The following FHOD3 variants were observed in gnomAD, a reference collection of about 807,000 sequenced individuals.
FHOD3 encodes the protein FH1/FH2 domain-containing protein 3.
In FHOD3, 90 loss-of-function variants were observed where a neutral mutation model predicts 173.0. The observed-to-expected ratio is 0.52, with a 90% CI of 0.44 to 0.62. The LOEUF (loss-of-function observed/expected upper bound fraction) is 0.62, where lower values mean the gene tolerates loss of function less well. Among genes scored for constraint, FHOD3 ranks in the 20% least tolerant of loss-of-function variants. The probability of loss-of-function intolerance (pLI) is 0.00; values close to 1 mark genes in which losing one functional copy is unlikely to be tolerated. For synonymous variants in FHOD3, 828 were observed against 823.0 expected (o/e 1.01, Z -0.10); for missense variants, 1,945 against 2,034.7 (o/e 0.96, Z 0.85).
Position 36,709,756 on chromosome 18 carries a change from A to C in FHOD3, c.2533+365A>C, listed in dbSNP as rs1361005202. 4 of 192,318 alleles carry C rather than the reference A, an allele frequency of 2.1e-5. No individual in the cohort carries two copies. The East Asian group carries it at 3.8e-4, about 18-fold the overall frequency. 11.9% of individuals were successfully genotyped at this position (192,318 alleles called of 1,614,324 possible). ...AATAATAGTAAGGTTGATAATAGTA[A>C]GGCTTTTTCCGTTTTTGATATAAGT... On this transcript the variant is annotated intron_variant, in intron 18 of 28. Coordinates refer to ENST00000590592, the MANE Select transcript of FHOD3 (RefSeq NM_001281740.3).
chr18:36,479,597 GTATATATA>G (rs3056806), intron 3 of FHOD3, among the ~76,000 whole-genome samples: 1 of 150,594 alleles, frequency 6.6e-6, no homozygotes, highest in African/African-American at 2.4e-5. Flanking sequence ...GTACTATAAA[GTATATATA>G]TATATATATT....
intron 3 of FHOD3, among the ~76,000 whole-genome samples, chr18:36,398,345 T>A (rs2048648529): frequency 6.6e-6 from 1 of 152,216 alleles, no homozygotes; most frequent in African/African-American, 2.4e-5. Context: ...GAGAGATGTT[T>A]CTCCTTCCTG....
At chr18:36,413,131 G>A (rs1268003749) in intron 3 of FHOD3, among the ~76,000 whole-genome samples, 1 of 152,242 alleles carries the variant, frequency 6.6e-6, no homozygotes, top group East Asian at 1.9e-4. Context: ...TGTCAGAAAG[G>A]TGGACTGTTC....
At chr18:36,474,038 T>C (rs1014414480) in intron 3 of FHOD3, among the ~76,000 whole-genome samples, 3 of 152,242 alleles carry the variant, frequency 2.0e-5, no homozygotes. Flanking sequence ...CTCTAAGTAG[T>C]TGATTCTTTT....
At chr18:36,553,259 G>T (rs931071187) in intron 5 of FHOD3, among the ~76,000 whole-genome samples, 1 of 152,204 alleles carries the variant, frequency 6.6e-6, no homozygotes. Context: ...ATGTTCATCA[G>T]GGATATTGGT....
At chr18:36,645,181 G>GCCCA (rs1318242254) in intron 10 of FHOD3, among the ~76,000 whole-genome samples, 10 of 87,776 alleles carry the variant, frequency 1.1e-4, no homozygotes, top group Admixed American at 3.8e-4. Context: ...GTGGCTTTGG[G>GCCCA]AGGCTGAGGT....
chr18:36,678,524 C>CAAAAAAAAAAAAAAA (rs58064190), intron 14 of FHOD3, among the ~76,000 whole-genome samples: 9 of 71,152 alleles, frequency 1.3e-4, no homozygotes, highest in Middle Eastern at 8.6e-3. Flanking sequence ...GACCCTGTCT[C>CAAAAAAAAAAAAAAA]AAAAAAAAAA....
intron 27 of FHOD3, among the ~76,000 whole-genome samples, chr18:36,761,619 T>C (rs1236272622): frequency 6.6e-6 from 1 of 152,184 alleles, no homozygotes; most frequent in Non-Finnish European, 1.5e-5. Context: ...CAGTTCAGGA[T>C]GCCCGCTCCT....
chr18:36,349,925 C>G (rs1455995933), intron 1 of FHOD3, among the ~76,000 whole-genome samples: 1 of 152,128 alleles, frequency 6.6e-6, no homozygotes, highest in Non-Finnish European at 1.5e-5. Context: ...CACCACCACA[C>G]CCGGCTAATT....
intron 4 of FHOD3, among the ~76,000 whole-genome samples, chr18:36,509,903 C>T (rs775906974): frequency 2.6e-5 from 4 of 152,174 alleles, no homozygotes; most frequent in African/African-American, 4.8e-5. Flanking sequence ...CTGCTTGTTA[C>T]TAGAAGTTTA....
chr18:36,775,710 G>T (rs2043600220), intron 28 of FHOD3, among the ~76,000 whole-genome samples: 1 of 152,172 alleles, frequency 6.6e-6, no homozygotes, highest in South Asian at 2.1e-4. Flanking sequence ...AAGAACTTGG[G>T]TGTTTTTCCT....
intron 3 of FHOD3, among the ~76,000 whole-genome samples, chr18:36,457,388 G>C (rs1265932548): frequency 6.6e-6 from 1 of 152,150 alleles, no homozygotes; most frequent in Non-Finnish European, 1.5e-5. Flanking sequence ...ATCAGCATTG[G>C]TGGATTGTTC....
intron 3 of FHOD3, among the ~76,000 whole-genome samples, chr18:36,429,250 GTGTC>G (rs1010368943): frequency 2.0e-5 from 3 of 152,218 alleles, no homozygotes; most frequent in Non-Finnish European, 2.9e-5. Context: ...TGTGTCTGCT[GTGTC>G]TGTCTGAGGG....
intron 17 of FHOD3, among the ~76,000 whole-genome samples, chr18:36,706,755 C>T (rs1027270824): frequency 3.9e-5 from 6 of 152,310 alleles, no homozygotes; most frequent in Non-Finnish European, 8.8e-5. Context: ...GTAATGAAGC[C>T]GCCAGGAGGG....
chr18:36,760,571 G>T (rs376990153), intron 26 of FHOD3, 37 bp from the exon 27 acceptor site: 9 of 1,488,840 alleles, frequency 6.0e-6, no homozygotes, highest in Middle Eastern at 3.6e-4. Flanking sequence ...TTTTTGGGGA[G>T]TCTCCCTCAC....
chr18:36,297,914 C>A lies in FHOD3; in HGVS notation c.79C>A (p.Arg27=). The change falls in exon 1 of 29, where the codon CGG becomes AGG. Residue 27 remains arginine, a synonymous_variant. Coordinates refer to ENST00000590592, the MANE Select transcript of FHOD3 (RefSeq NM_001281740.3). ...CAGCACCAACTTCCCCGAGCCCAGC[C>A]GGCCGCCGCTGTTCACGTTCCGCGA... The part of the protein sequence containing the change: ...FNSTNFPEPS[R]PPLFTFREDL... 1.3e-6 allele frequency: 2 copies of A among 1,559,630 alleles called. No individual in the cohort carries two copies. The highest frequency in any genetic ancestry group is 1.7e-6 in the Non-Finnish European group (2 of 1,153,466).
chr18:36,769,568 A>G, intron 28 of FHOD3, 142 bp downstream of exon 28: 1 of 1,173,334 alleles, frequency 8.5e-7, no homozygotes, highest in South Asian at 1.6e-5. Flanking sequence ...ATCCACAGAA[A>G]GTTTCAGGGT....
intron 3 of FHOD3, among the ~76,000 whole-genome samples, chr18:36,464,269 AG>A (rs2052769541): frequency 6.6e-6 from 1 of 152,256 alleles, no homozygotes. Flanking sequence ...GGATTAGCAA[AG>A]GACAAGTCAG....
At chr18:36,444,576 A>G (rs2051353456) in intron 3 of FHOD3, among the ~76,000 whole-genome samples, 1 of 151,978 alleles carries the variant, frequency 6.6e-6, no homozygotes, top group Admixed American at 6.6e-5. Flanking sequence ...GTTTCCACTC[A>G]TCCTCTATAG....
Sources: allele counts gnomAD v4.1 joint callset (sites outside exome capture counted in the v4.1 genomes callset), GRCh38; gene constraint gnomAD v4.1.1; transcripts MANE v1.5; gene names NCBI Gene and HGNC (gene_info 2026-07-23, HGNC 2026-07-21).